ZNF488: variants seen among roughly 807,000 people sequenced by gnomAD.
The protein encoded by ZNF488 is zinc finger protein 488.
ZNF488 carries 1 observed loss-of-function variant against 1.2 expected under a neutral mutation model. The observed-to-expected ratio is 0.86, with a 90% CI of 0.30 to 4.07. ZNF488 has a LOEUF of 4.07. Ranked by LOEUF, ZNF488 falls within the 30% of genes most tolerant of loss-of-function variation. ZNF488 has a pLI of 0.18. For missense variants in ZNF488, 450 were observed against 437.9 expected, an observed-to-expected ratio of 1.03 and a Z score of -0.25; for synonymous variants, 185 against 190.1, an observed-to-expected ratio of 0.97 and a Z score of 0.22.
chr10:47,383,668 T>C (rs1555215813), intron 1 of ZNF488, among the ~76,000 whole-genome samples: 3 of 152,212 alleles, frequency 2.0e-5, no homozygotes, highest in African/African-American at 7.2e-5. Context: ...GTGAACAGGA[T>C]ACATGTCCAG....
chr10:47,375,169 G>T (rs923620812), intron 1 of ZNF488, among the ~76,000 whole-genome samples: 1 of 152,234 alleles, frequency 6.6e-6, no homozygotes, highest in Non-Finnish European at 1.5e-5. Context: ...GAGATGATCA[G>T]GAATGTTTCA....
At chr10:47,378,615 C>T (rs1179566389) in intron 1 of ZNF488, among the ~76,000 whole-genome samples, 12 of 152,212 alleles carry the variant, frequency 7.9e-5, no homozygotes, top group African/African-American at 2.9e-4. Context: ...GATGTACCTG[C>T]GTCCAGCCAC....
intron 1 of ZNF488, among the ~76,000 whole-genome samples, chr10:47,370,961 C>T (rs956077506): frequency 3.3e-5 from 5 of 152,180 alleles, no homozygotes; most frequent in African/African-American, 9.7e-5. Context: ...CTGTGCGAGG[C>T]GCGGTAGTGA....
intron 1 of ZNF488, among the ~76,000 whole-genome samples, chr10:47,374,573 G>C (rs1210842594): frequency 6.6e-6 from 1 of 152,150 alleles, no homozygotes; most frequent in Non-Finnish European, 1.5e-5. Flanking sequence ...ACTTATTAAA[G>C]GCTATCATGC....
At chr10:47,377,671 TCACA>T (rs55901237) in intron 1 of ZNF488, among the ~76,000 whole-genome samples, 3,293 of 104,922 alleles carry the variant, frequency 0.031, 152 homozygotes, top group African/African-American at 0.11. Flanking sequence ...GCAATAACAA[TCACA>T]CACACACACA....
chr10:47,383,142 C>A (rs914064338), intron 1 of ZNF488, among the ~76,000 whole-genome samples: 7 of 151,354 alleles, frequency 4.6e-5, no homozygotes, highest in Admixed American at 1.3e-4. Context: ...TATGCATCTA[C>A]GACAATCTTT....
At chr10:47,378,878 T>C (rs1206086664) in intron 1 of ZNF488, among the ~76,000 whole-genome samples, 1 of 152,178 alleles carries the variant, frequency 6.6e-6, no homozygotes, top group African/African-American at 2.4e-5. Flanking sequence ...ATGCCCTTTT[T>C]GAGTGGATTC....
At chr10:47,373,003 A>G (rs190769842) in intron 1 of ZNF488, among the ~76,000 whole-genome samples, 327 of 152,198 alleles carry the variant, frequency 2.1e-3, no homozygotes, top group Non-Finnish European at 3.9e-3. Flanking sequence ...AGGAAGCCAC[A>G]CCTATGGCAG....
At chr10:47,381,211 T>C (rs1837936304) in intron 1 of ZNF488, among the ~76,000 whole-genome samples, 1 of 152,300 alleles carries the variant, frequency 6.6e-6, no homozygotes. Context: ...GCACCAGATC[T>C]TATTCAGAGA....
rs782489400 is a variant in ZNF488, at chr10:47,368,530, G to T, written c.300C>A (p.Ser100Arg). The T allele has an allele frequency of 2.6e-5, 42 of 1,613,466 alleles. No individual in the cohort carries two copies. Among genetic ancestry groups the T allele is most frequent in the Non-Finnish European group, 3.5e-5 (41 of 1,179,966 alleles). Residue 100 changes from serine (S) to arginine (R), a missense_variant, in exon 2 of 2, where the codon AGC (serine) becomes AGA (arginine). Ser to Arg is a moderately radical substitution (Grantham distance 110). Coordinates refer to ENST00000585316, the MANE Select transcript of ZNF488 (RefSeq NM_153034.4). ...PPKTRGEQRQ[S>R]AFTELPRMKD... ...TCATCCTCGGCAGCTCCGTGAAGGCGCTCTGCCTCTGCTCTCCACGTGTCT... is the reference window on the plus strand; with the variant it reads ...TCATCCTCGGCAGCTCCGTGAAGGCTCTCTGCCTCTGCTCTCCACGTGTCT...
rs570661651 is a variant in ZNF488 at position 47,378,830 on chromosome 10, G to A, written c.-109+5390C>T. On this transcript the variant is annotated intron_variant, in intron 1 of 1. Coordinates refer to ENST00000585316, the MANE Select transcript of ZNF488 (RefSeq NM_153034.4). ...CCCCGTGTGACTTCATGAAGAGGAC[G>A]CAAACCACGTGGTGCAGCAGGCTCC... is the stretch of plus-strand genomic sequence containing the variant. Among the ~76,000 whole-genome samples the A allele has an allele frequency of 2.0e-5, 3 of 152,316 alleles. No homozygotes were observed. The South Asian group carries it at 6.2e-4, about 32-fold the overall frequency.
In ZNF488 at chr10:47,368,249, C is replaced by G. The variant is rs1555213190; in HGVS notation, c.581G>C (p.Gly194Ala). The G allele has an allele frequency of 3.7e-6, 6 of 1,614,222 alleles. No individual in the cohort carries two copies. The Admixed American group carries it at 6.7e-5, about 18-fold the overall frequency. The change falls in exon 2 of 2, where the codon GGA becomes GCA. Residue 194 changes from glycine to alanine, a missense_variant. By Grantham distance (60) the Gly-to-Ala change is moderately conservative (BLOSUM62 0). Coordinates refer to ENST00000585316, the MANE Select transcript of ZNF488 (RefSeq NM_153034.4). ...AGCGAGGTCTGTAGTGTTGAGGAGT[C>G]CAGACAGCTCCCCCAGGGCATCTGC... ...ESADALGELS[G>A]LLNTTDLACW...
Position 47,368,025 on chromosome 10 carries a change from G to A in ZNF488, c.805C>T (p.Leu269=). The A allele has an allele frequency of 5.6e-6, 9 of 1,614,154 alleles. No individual in the cohort carries two copies. The highest frequency in any genetic ancestry group is 7.6e-6 in the Non-Finnish European group (9 of 1,180,020). Residue 269 remains leucine, a synonymous_variant, in exon 2 of 2, where the codon CTG becomes TTG. Coordinates refer to ENST00000585316, the MANE Select transcript of ZNF488 (RefSeq NM_153034.4). Reference sequence around the variant, plus strand: ...CACCAGTTCTGGGTGGACAAGCCCAGGGAGGTGAGGGTGGGTGGCAGGAGG... The same window carrying A: ...CACCAGTTCTGGGTGGACAAGCCCAAGGAGGTGAGGGTGGGTGGCAGGAGG... ...WALLPPTLTS[L]GLSTQNWCAK...
At chr10:47,370,607 A>G (rs1837429990) in intron 1 of ZNF488, among the ~76,000 whole-genome samples, 1 of 152,202 alleles carries the variant, frequency 6.6e-6, no homozygotes. Context: ...GCCTAACAGG[A>G]GAGGGAAATG....
At chr10:47,384,010 A>G (rs1838085384) in intron 1 of ZNF488, among the ~76,000 whole-genome samples, 1 of 152,138 alleles carries the variant, frequency 6.6e-6, no homozygotes, top group Admixed American at 6.5e-5. Flanking sequence ...AAAAAGTGAG[A>G]GAAGAGAAAG....
chr10:47,380,746 G>A (rs1837912682), intron 1 of ZNF488, among the ~76,000 whole-genome samples: 5 of 17,430 alleles, frequency 2.9e-4, no homozygotes, highest in Non-Finnish European at 4.7e-4. Context: ...AAGTGCACGG[G>A]CTCCACGGTT....
In ZNF488 at chr10:47,367,672, T is replaced by C; in HGVS notation, c.*135A>G. 1 of 980,976 alleles carries C rather than the reference T, an allele frequency of 1.0e-6. No individual in the cohort carries two copies. The highest frequency in any genetic ancestry group is 2.6e-5 in the East Asian group (1 of 38,948). 60.8% of individuals were successfully genotyped at this position (980,976 alleles called of 1,614,324 possible). On this transcript the variant is annotated 3_prime_UTR_variant, in exon 2 of 2. Transcript: ENST00000585316. ...AGGTGTGGCTTTTTCAAATTATGCC[T>C]GAGCTGTTTATCTATGAATGCCAAA...
At chr10:47,372,196 G>A (rs1290993701) in intron 1 of ZNF488, among the ~76,000 whole-genome samples, 1 of 152,206 alleles carries the variant, frequency 6.6e-6, no homozygotes, top group Non-Finnish European at 1.5e-5. Flanking sequence ...TGGAGAGTAG[G>A]GTGAGTGTGC....
At chr10:47,380,273 C>T (rs1434402694) in intron 1 of ZNF488, among the ~76,000 whole-genome samples, 2 of 152,238 alleles carry the variant, frequency 1.3e-5, no homozygotes, top group African/African-American at 4.8e-5. Context: ...CTGAGCCACA[C>T]AGATGTCTCT....
Sources: gnomAD v4.1 joint callset for allele counts (sites outside exome capture counted in the v4.1 genomes callset) on GRCh38, gnomAD v4.1.1 for gene constraint, MANE v1.5 for transcripts, NCBI Gene and HGNC (gene_info 2026-07-23, HGNC 2026-07-21) for gene names.